The following SEPTIN10 variants were observed in gnomAD, a reference collection of about 807,000 sequenced individuals.
The protein encoded by SEPTIN10 is septin 10.
A neutral mutation model predicts 54.8 loss-of-function variants in SEPTIN10; 66 were observed. The ratio of observed to expected loss-of-function variants is 1.21; its 90% CI spans 0.99 to 1.48. SEPTIN10 has a LOEUF of 1.48. Ranked by LOEUF, SEPTIN10 falls within the 40% of genes most tolerant of loss-of-function variation. The pLI is 0.00. For missense variants in SEPTIN10, 620 were observed against 545.6 expected (o/e 1.14, Z -1.36); for synonymous variants, 161 against 181.0 (o/e 0.89, Z 0.89).
intron 1 of SEPTIN10, among the ~76,000 whole-genome samples, chr2:109,602,447 G>A (rs1415097905): frequency 1.3e-5 from 2 of 152,028 alleles, no homozygotes; most frequent in African/African-American, 4.8e-5. Context: ...AGGCCAAGGC[G>A]GGTGGATCAC....
chr2:109,584,793 T>G (rs1692088181), intron 4 of SEPTIN10, among the ~76,000 whole-genome samples: 1 of 152,218 alleles, frequency 6.6e-6, no homozygotes, highest in South Asian at 2.1e-4. Context: ...GTCTTGTATT[T>G]TTTTTCTTCA....
intron 4 of SEPTIN10, among the ~76,000 whole-genome samples, chr2:109,576,768 C>T (rs903349788): frequency 3.9e-5 from 6 of 152,010 alleles, no homozygotes; most frequent in Non-Finnish European, 8.8e-5. Flanking sequence ...AAATAATATG[C>T]CATTCTTTCA....
intron 1 of SEPTIN10, among the ~76,000 whole-genome samples, chr2:109,596,456 A>C (rs1388418425): frequency 1.3e-5 from 2 of 152,028 alleles, no homozygotes; most frequent in Non-Finnish European, 2.9e-5. Flanking sequence ...TCTCTACTAA[A>C]AATACAAAAA....
chr2:109,588,107 G>A (rs758111346), intron 2 of SEPTIN10, among the ~76,000 whole-genome samples: 13 of 149,690 alleles, frequency 8.7e-5, no homozygotes, highest in African/African-American at 2.5e-4. Flanking sequence ...AATGCCCCCC[G>A]CCAAAAAAAA....
chr2:109,582,492 T>A (rs781155555), intron 4 of SEPTIN10, among the ~76,000 whole-genome samples: 160 of 152,150 alleles, frequency 1.1e-3, no homozygotes, highest in Non-Finnish European at 2.1e-3. Context: ...GTTAATTTTT[T>A]AAAATTTTTT....
intron 10 of SEPTIN10, chr2:109,545,749 A>G: frequency 1.5e-5 from 21 of 1,427,874 alleles, no homozygotes; most frequent in South Asian, 3.1e-5. Flanking sequence ...GGGCTATTCA[A>G]TAAGAGCAGC....
chr2:109,557,123 A>C (rs944746383), intron 8 of SEPTIN10, among the ~76,000 whole-genome samples: 1 of 152,186 alleles, frequency 6.6e-6, no homozygotes, highest in Non-Finnish European at 1.5e-5. Context: ...ATATATATGT[A>C]ACAAACCAGC....
Position 109,558,100 on chromosome 2 carries a change from A to C in SEPTIN10, c.1029-4881T>G, listed in dbSNP as rs140283179. Among the ~76,000 whole-genome samples, 874 of 152,274 alleles carry C rather than the reference A, an allele frequency of 5.7e-3. 11 individuals are homozygous for C. Among genetic ancestry groups the C allele is most frequent in the South Asian group, 0.057 (273 of 4,822 alleles). ...AACGACTGCACCTGGCCTGACATGA[A>C]TATTTAATGCCAACATACTACTGTT... On this transcript the variant is annotated intron_variant, in intron 8 of 10. Coordinates refer to ENST00000397712, the MANE Select transcript of SEPTIN10 (RefSeq NM_144710.5).
chr2:109,612,761 A>G (rs1428209814), intron 1 of SEPTIN10, among the ~76,000 whole-genome samples: 2 of 152,322 alleles, frequency 1.3e-5, no homozygotes, highest in East Asian at 1.9e-4. Context: ...GGGGGTCCAG[A>G]CAGAAAATTT....
chr2:109,555,604 G>A (rs1573437354), intron 8 of SEPTIN10, among the ~76,000 whole-genome samples: 1 of 152,202 alleles, frequency 6.6e-6, no homozygotes. Flanking sequence ...CCATCCAGAA[G>A]GAATGCTGAG....
chr2:109,603,624 T>A (rs573504075), intron 1 of SEPTIN10, among the ~76,000 whole-genome samples: 1 of 152,246 alleles, frequency 6.6e-6, no homozygotes, highest in South Asian at 2.1e-4. Flanking sequence ...TAAATCAATA[T>A]CCTTGCAATT....
rs536588521 is a variant in SEPTIN10, at chr2:109,565,837, A to G, written c.785T>C (p.Val262Ala). Residue 262 changes from valine (V) to alanine (A), a missense_variant, in exon 7 of 11, where the codon GTG (valine) becomes GCG (alanine). Coordinates refer to ENST00000397712, the MANE Select transcript of SEPTIN10 (RefSeq NM_144710.5). ...AMNGQLPFAVVGSMDEVKVGN... is the reference protein window; with the variant it reads ...AMNGQLPFAVAGSMDEVKVGN... ...GACTTTTACCTCATCCATACTTCCCACAACAGCAAACGGCAACTGTCCCTG... is the reference window on the plus strand; with the variant it reads ...GACTTTTACCTCATCCATACTTCCCGCAACAGCAAACGGCAACTGTCCCTG... The G allele has an allele frequency of 2.5e-6, 4 of 1,614,072 alleles. No homozygotes were observed. The highest frequency in any genetic ancestry group is 1.7e-5 in the Admixed American group (1 of 60,016).
At chr2:109,557,876 TCTCA>T (rs1284739982) in intron 8 of SEPTIN10, among the ~76,000 whole-genome samples, 3 of 140,090 alleles carry the variant, frequency 2.1e-5, no homozygotes, top group Non-Finnish European at 3.1e-5. Context: ...TGAGACGGGG[TCTCA>T]CTGTCATCCA....
chr2:109,544,918 C>T, intron 10 of SEPTIN10: 1 of 971,244 alleles, frequency 1.0e-6, no homozygotes. Context: ...GAATTCCTTC[C>T]TCTTTTCCAA....
At chr2:109,580,977 G>A (rs1313132133) in intron 4 of SEPTIN10, among the ~76,000 whole-genome samples, 2 of 152,186 alleles carry the variant, frequency 1.3e-5, no homozygotes, top group Non-Finnish European at 2.9e-5. Flanking sequence ...GCACAGGCAG[G>A]AAGCACTGCA....
At chr2:109,590,820 T>C (rs1270032036) in intron 2 of SEPTIN10, among the ~76,000 whole-genome samples, 1 of 152,140 alleles carries the variant, frequency 6.6e-6, no homozygotes, top group African/African-American at 2.4e-5. Context: ...CCTTGCTGGC[T>C]TTCAGAATGG....
At chr2:109,549,542 A>T (rs1558695907) in intron 9 of SEPTIN10, among the ~76,000 whole-genome samples, 1 of 152,228 alleles carries the variant, frequency 6.6e-6, no homozygotes, top group African/African-American at 2.4e-5. Context: ...TACGACAGGC[A>T]GTTAATTCAA....
intron 8 of SEPTIN10, among the ~76,000 whole-genome samples, chr2:109,559,165 C>CA (rs1408803581): frequency 6.6e-6 from 1 of 152,174 alleles, no homozygotes; most frequent in Non-Finnish European, 1.5e-5. Flanking sequence ...AAATTACAGG[C>CA]ATAAGCCACC....
chr2:109,561,103 C>T (rs1018350329), intron 8 of SEPTIN10, among the ~76,000 whole-genome samples: 4 of 152,142 alleles, frequency 2.6e-5, no homozygotes, highest in African/African-American at 4.8e-5. Flanking sequence ...CTCCCCAGGG[C>T]CTCCACAGCT....
Sources: allele counts gnomAD v4.1 joint callset (sites outside exome capture counted in the v4.1 genomes callset), GRCh38; gene constraint gnomAD v4.1.1; transcripts MANE v1.5; gene names NCBI Gene and HGNC (gene_info 2026-07-23, HGNC 2026-07-21).